ENPP3: variants seen among roughly 807,000 people sequenced by gnomAD.
ENPP3 encodes ectonucleotide pyrophosphatase/phosphodiesterase family member 3.
Under a neutral mutation model 117.8 loss-of-function variants are expected in ENPP3, and 104 were observed. That is an observed-to-expected ratio of 0.88 (90% CI 0.75 to 1.04). ENPP3 has a LOEUF of 1.04. ENPP3 is among the 50% of genes least tolerant of loss of function. The pLI is 0.00. For synonymous variants in ENPP3, 380 were observed against 349.9 expected (o/e 1.09, Z -0.96); for missense variants, 1,026 against 1,051.9 (o/e 0.98, Z 0.34).
At chr6:131,725,019 G>A (rs10457575) in intron 19 of ENPP3, among the ~76,000 whole-genome samples, 13,128 of 148,500 alleles carry the variant, frequency 0.088, 986 homozygotes, top group East Asian at 0.32. Context: ...GACCAGCCTG[G>A]CCAACATGGT....
chr6:131,647,641 C>G (rs1169953930), intron 2 of ENPP3, among the ~76,000 whole-genome samples: 1 of 152,124 alleles, frequency 6.6e-6, no homozygotes, highest in South Asian at 2.1e-4. Flanking sequence ...ATAACCTCCT[C>G]TACATATTAT....
Position 131,641,510 on chromosome 6 carries a change from T to A in ENPP3, c.134T>A (p.Leu45His), listed in dbSNP as rs1319763968. 1 of 1,609,496 alleles carries A rather than the reference T, an allele frequency of 6.2e-7. No individual in the cohort carries two copies. The highest frequency in any genetic ancestry group is 1.3e-5 in the African/African-American group (1 of 74,972). ...MSLGLGLGLG[L>H]RKLEKQGSCR... ...CTTGGATTAGGCCTGGGGCTTGGAC[T>A]CAGGAAACTGGAAAAGCAAGGTATA... The change falls in exon 2 of 25, where the codon CTC becomes CAC. Residue 45 changes from leucine to histidine, a missense_variant. Coordinates refer to ENST00000357639, the MANE Select transcript of ENPP3 (RefSeq NM_005021.5).
intron 23 of ENPP3, among the ~76,000 whole-genome samples, chr6:131,739,121 T>TG (rs1780467186): frequency 6.6e-6 from 1 of 152,144 alleles, no homozygotes; most frequent in Middle Eastern, 3.2e-3. Context: ...TTAAGGAAAC[T>TG]GGGGTTAAAC....
At chr6:131,663,297 T>C (rs994770731) in intron 6 of ENPP3, among the ~76,000 whole-genome samples, 1 of 151,562 alleles carries the variant, frequency 6.6e-6, no homozygotes, top group African/African-American at 2.4e-5. Flanking sequence ...TGTTGAAGTA[T>C]TTTTTTTCTA....
chr6:131,744,802 TACACACACACAC>T (rs72401502), intron 24 of ENPP3, among the ~76,000 whole-genome samples: 6 of 146,764 alleles, frequency 4.1e-5, no homozygotes, highest in African/African-American at 1.0e-4. Flanking sequence ...AGGTCATTTA[TACACACACACAC>T]ACACACACAC....
chr6:131,673,290 A>G (rs1379551136), intron 7 of ENPP3, among the ~76,000 whole-genome samples: 1 of 152,172 alleles, frequency 6.6e-6, no homozygotes, highest in East Asian at 1.9e-4. Context: ...GGGTGGAATC[A>G]ACCTAAATGC....
intron 6 of ENPP3, among the ~76,000 whole-genome samples, chr6:131,659,264 A>G (rs1778448861): frequency 6.6e-6 from 1 of 152,090 alleles, no homozygotes; most frequent in Non-Finnish European, 1.5e-5. Flanking sequence ...CCTGGGCAAC[A>G]TAGTGAGACC....
chr6:131,639,952 C>T (rs1034321546), intron 1 of ENPP3, among the ~76,000 whole-genome samples: 1 of 151,968 alleles, frequency 6.6e-6, no homozygotes, highest in Non-Finnish European at 1.5e-5. Flanking sequence ...CATAGTGAGA[C>T]CTCCAACTCT....
At chr6:131,716,684 A>T (rs1779895143) in intron 15 of ENPP3, among the ~76,000 whole-genome samples, 1 of 80 alleles carries the variant, frequency 0.013, no homozygotes. Flanking sequence ...TTAAAAAAAT[A>T]GAGGCCGGGT....
At chr6:131,638,578 TGA>T in intron 1 of ENPP3, 1 of 389,074 alleles carries the variant, frequency 2.6e-6, no homozygotes, top group Non-Finnish European at 4.9e-6. Flanking sequence ...TAAGTTTTTG[TGA>T]GTTTTTTTCT....
At chr6:131,739,014 C>T (rs1435663564) in intron 23 of ENPP3, among the ~76,000 whole-genome samples, 2 of 152,150 alleles carry the variant, frequency 1.3e-5, no homozygotes, top group Non-Finnish European at 2.9e-5. Context: ...ACTTTGACAG[C>T]ATTTTCTATA....
chr6:131,672,510 G>A (rs1294137022), intron 7 of ENPP3, among the ~76,000 whole-genome samples: 1 of 152,126 alleles, frequency 6.6e-6, no homozygotes, highest in Non-Finnish European at 1.5e-5. Flanking sequence ...CATAAAAGAA[G>A]GTTATGTGTT....
At chr6:131,742,379 G>A (rs1780544259) in intron 24 of ENPP3, among the ~76,000 whole-genome samples, 2 of 152,078 alleles carry the variant, frequency 1.3e-5, no homozygotes, top group Admixed American at 1.3e-4. Flanking sequence ...TAGATATGAT[G>A]GAGTGATTAC....
intron 14 of ENPP3, among the ~76,000 whole-genome samples, chr6:131,690,015 A>G (rs940491667): frequency 5.9e-5 from 9 of 152,198 alleles, no homozygotes; most frequent in African/African-American, 1.9e-4. Flanking sequence ...CTCATGAGAA[A>G]ACTGGAACAG....
At chr6:131,679,062 T>C (rs1037558903) in intron 11 of ENPP3, among the ~76,000 whole-genome samples, 6 of 133,628 alleles carry the variant, frequency 4.5e-5, no homozygotes, top group Non-Finnish European at 6.2e-5. Flanking sequence ...TCTTTCTTTC[T>C]TTCTTTCTTT....
At chr6:131,695,709 T>C (rs371930511) in intron 15 of ENPP3, among the ~76,000 whole-genome samples, 5 of 150,660 alleles carry the variant, frequency 3.3e-5, no homozygotes, top group South Asian at 2.1e-4. Flanking sequence ...AGGTTAGGAG[T>C]TTGAGATCAG....
chr6:131,686,268 T>G (rs540761233), intron 14 of ENPP3, among the ~76,000 whole-genome samples: 1 of 152,200 alleles, frequency 6.6e-6, no homozygotes, highest in East Asian at 1.9e-4. Context: ...TTACAGATCT[T>G]TTTTTTACAA....
intron 24 of ENPP3, among the ~76,000 whole-genome samples, chr6:131,744,802 T>TACAC (rs72401502): frequency 0.032 from 4,746 of 146,824 alleles, 209 homozygotes; most frequent in African/African-American, 0.1. Context: ...AGGTCATTTA[T>TACAC]ACACACACAC....
intron 8 of ENPP3, 98 bp from the exon 9 acceptor site, chr6:131,674,982 A>G (rs1056158049): frequency 1.0e-5 from 7 of 685,876 alleles, no homozygotes; most frequent in African/African-American, 3.6e-5. Context: ...CAATTTTAAT[A>G]CATGTTGCAA....
Sources: allele counts gnomAD v4.1 joint callset (sites outside exome capture counted in the v4.1 genomes callset), GRCh38; gene constraint gnomAD v4.1.1; transcripts MANE v1.5; gene names NCBI Gene and HGNC (gene_info 2026-07-23, HGNC 2026-07-21).